The following STOM variants were observed in gnomAD, a reference collection of about 807,000 sequenced individuals.
STOM encodes erythrocyte band 7 integral membrane protein.
STOM carries 25 observed loss-of-function variants against 30.6 expected under a neutral mutation model. That is an observed-to-expected ratio of 0.82 (90% CI 0.60 to 1.14). STOM has a LOEUF of 1.14. Ranked by LOEUF, STOM falls within the 50% of genes most tolerant of loss-of-function variation. The pLI is 0.00. For missense variants in STOM, 292 were observed against 365.2 expected, an observed-to-expected ratio of 0.80 and a Z score of 1.63; for synonymous variants, 118 against 130.8, an observed-to-expected ratio of 0.90 and a Z score of 0.67.
chr9:121,358,337 A>T (rs147769735), intron 1 of STOM, among the ~76,000 whole-genome samples: 2 of 151,888 alleles, frequency 1.3e-5, no homozygotes, highest in Non-Finnish European at 2.9e-5. Context: ...GGTGGCACAC[A>T]CCTGTAGTCC....
chr9:121,341,429 G>C, intron 6 of STOM, 21 bp from the exon 7 acceptor site: 2 of 1,611,980 alleles, frequency 1.2e-6, no homozygotes, highest in Non-Finnish European at 1.7e-6. Context: ...GTGAAAGGAG[G>C]GGTTGAACTG....
At chr9:121,341,615 C>G (rs767301362) in intron 6 of STOM, among the ~76,000 whole-genome samples, 13 of 152,166 alleles carry the variant, frequency 8.5e-5, no homozygotes, top group Non-Finnish European at 1.9e-4. Flanking sequence ...GTGCCTGGAT[C>G]AAGACATTCT....
intron 5 of STOM, 95 bp from the exon 6 acceptor site, chr9:121,348,244 T>TG (rs2064307292): frequency 6.4e-7 from 1 of 1,562,122 alleles, no homozygotes; most frequent in East Asian, 2.3e-5. Context: ...GATAAGGTGC[T>TG]GGGGAGAGTT....
chr9:121,369,304 T>C (rs1453593350), intron 1 of STOM, among the ~76,000 whole-genome samples: 2 of 152,226 alleles, frequency 1.3e-5, no homozygotes, highest in African/African-American at 2.4e-5. Flanking sequence ...ATTCCATCTT[T>C]AGAAACACTG....
At chr9:121,356,559 A>G (rs773864720) in intron 1 of STOM, among the ~76,000 whole-genome samples, 13 of 152,194 alleles carry the variant, frequency 8.5e-5, no homozygotes, top group Non-Finnish European at 1.6e-4. Context: ...TGTTCAGAAT[A>G]TTTTGAAGAC....
intron 1 of STOM, chr9:121,366,142 A>G (rs1243807384): frequency 1.0e-6 from 1 of 985,168 alleles, no homozygotes; most frequent in Non-Finnish European, 1.2e-6. Context: ...ACTGGACCAC[A>G]AGTTCAGTAT....
At chr9:121,357,730 G>A (rs543878633) in intron 1 of STOM, among the ~76,000 whole-genome samples, 25 of 151,884 alleles carry the variant, frequency 1.6e-4, no homozygotes, top group Non-Finnish European at 3.1e-4. Context: ...AAGCCACTGC[G>A]CCCGGCCTTA....
At chr9:121,344,256 A>G (rs3789313) in intron 6 of STOM, among the ~76,000 whole-genome samples, 5,892 of 152,290 alleles carry the variant, frequency 0.039, 345 homozygotes, top group Admixed American at 0.15. Context: ...CTGTATTCCA[A>G]GGTAGGCACT....
At chr9:121,366,191 T>C (rs1315113819) in intron 1 of STOM, 1 of 985,278 alleles carries the variant, frequency 1.0e-6, no homozygotes, top group Non-Finnish European at 1.2e-6. Context: ...TTATTGGTTG[T>C]ATCTTCAAGG....
rs1394817083 is a variant in STOM, at chr9:121,339,060, C to T, written c.*2142G>A. The T allele has an allele frequency of 6.6e-6, 1 of 152,248 alleles. No individual in the cohort carries two copies. The highest frequency in any genetic ancestry group is 1.5e-5 in the Non-Finnish European group (1 of 68,054). 9.4% of individuals were successfully genotyped at this position (152,248 alleles called of 1,614,324 possible). On this transcript the variant is annotated 3_prime_UTR_variant, in exon 7 of 7. Coordinates refer to ENST00000286713, the MANE Select transcript of STOM (RefSeq NM_004099.6). ...GACATTCAATACAGGCCGAAACAGA[C>T]TCTCACCCCAAAAATATTAGTGAAA...
chr9:121,369,526 G>C (rs2134051533), intron 1 of STOM, among the ~76,000 whole-genome samples: 1 of 152,298 alleles, frequency 6.6e-6, no homozygotes, highest in East Asian at 1.9e-4. Flanking sequence ...AACAAAAGCC[G>C]GGAAGGAGAG....
intron 3 of STOM, 151 bp from the exon 4 acceptor site, chr9:121,353,453 C>T: frequency 2.2e-6 from 1 of 463,564 alleles, no homozygotes; most frequent in Non-Finnish European, 3.9e-6. Flanking sequence ...ACTTTGATTC[C>T]TCTTGCTTAC....
At chr9:121,360,156 T>C (rs1432145505) in intron 1 of STOM, among the ~76,000 whole-genome samples, 1 of 152,212 alleles carries the variant, frequency 6.6e-6, no homozygotes, top group Non-Finnish European at 1.5e-5. Flanking sequence ...GTATCCTGCA[T>C]AGTAGAATAG....
intron 1 of STOM, among the ~76,000 whole-genome samples, chr9:121,365,751 G>C (rs2064496937): frequency 6.6e-6 from 1 of 152,156 alleles, no homozygotes; most frequent in African/African-American, 2.4e-5. Context: ...ATTTCACTCA[G>C]TTGTTGTGGA....
chr9:121,342,419 G>A (rs2064254388), intron 6 of STOM, among the ~76,000 whole-genome samples: 1 of 151,582 alleles, frequency 6.6e-6, no homozygotes, highest in African/African-American at 2.4e-5. Context: ...TGAAATGTTT[G>A]TAGAACCTTG....
chr9:121,370,057 C>G (rs2064549239), intron 1 of STOM, 70 bp downstream of exon 1: 1 of 1,425,100 alleles, frequency 7.0e-7, no homozygotes, highest in Non-Finnish European at 9.5e-7. Flanking sequence ...GCCCGGCTGT[C>G]AGACCTCGGA....
At chr9:121,365,481 T>G (rs567045634) in intron 1 of STOM, among the ~76,000 whole-genome samples, 3 of 151,708 alleles carry the variant, frequency 2.0e-5, no homozygotes, top group South Asian at 2.1e-4. Flanking sequence ...TTTTAGGTTT[T>G]TTTTTTTTTT....
chr9:121,359,293 T>C (rs1445072406), intron 1 of STOM, among the ~76,000 whole-genome samples: 3 of 152,184 alleles, frequency 2.0e-5, no homozygotes, highest in African/African-American at 7.2e-5. Flanking sequence ...TCAAGTGCTC[T>C]AAAACATAGG....
chr9:121,347,221 G>A (rs1193756960), intron 6 of STOM, among the ~76,000 whole-genome samples: 1 of 152,204 alleles, frequency 6.6e-6, no homozygotes, highest in Non-Finnish European at 1.5e-5. Context: ...GGAATGACTA[G>A]TTCCCTGAAC....
Sources: gnomAD v4.1 joint callset for allele counts (sites outside exome capture counted in the v4.1 genomes callset) on GRCh38, gnomAD v4.1.1 for gene constraint, MANE v1.5 for transcripts, NCBI Gene and HGNC (gene_info 2026-07-23, HGNC 2026-07-21) for gene names.